The following SLC35F3 variants were observed in gnomAD, a reference collection of about 807,000 sequenced individuals.
The protein encoded by SLC35F3 is putative thiamine transporter SLC35F3.
Under a neutral mutation model 49.9 loss-of-function variants are expected in SLC35F3, and 25 were observed. The ratio of observed to expected loss-of-function variants is 0.50; its 90% confidence interval spans 0.37 to 0.70. SLC35F3 has a LOEUF of 0.70. Among genes scored for constraint, SLC35F3 ranks in the 30% least tolerant of loss-of-function variants. The probability of loss-of-function intolerance (pLI) is 0.00; values close to 1 mark genes in which losing one functional copy is unlikely to be tolerated. For missense variants in SLC35F3, 525 were observed against 639.8 expected (o/e 0.82, Z 1.94); for synonymous variants, 275 against 265.4 (o/e 1.04, Z -0.35).
intron 2 of SLC35F3, among the ~76,000 whole-genome samples, chr1:233,941,180 A>AT (rs960247354): frequency 2.0e-5 from 3 of 152,012 alleles, no homozygotes; most frequent in African/African-American, 7.2e-5. Context: ...CCTTCCTCTC[A>AT]TTTTTGTAAC....
intron 4 of SLC35F3, among the ~76,000 whole-genome samples, chr1:234,309,868 G>T (rs1390064841): frequency 6.6e-6 from 1 of 152,256 alleles, no homozygotes; most frequent in African/African-American, 2.4e-5. Context: ...TGAAGGGCCA[G>T]CTTCACTTCC....
At chr1:234,224,987 A>G (rs760517726) in intron 2 of SLC35F3, among the ~76,000 whole-genome samples, 6 of 152,198 alleles carry the variant, frequency 3.9e-5, no homozygotes, top group Non-Finnish European at 7.3e-5. Flanking sequence ...CCTGGAACCT[A>G]TGCTAGTCAG....
chr1:234,241,750 A>G (rs2102957109), intron 3 of SLC35F3, among the ~76,000 whole-genome samples: 1 of 152,044 alleles, frequency 6.6e-6, no homozygotes, highest in Admixed American at 6.5e-5. Context: ...AAAAAAAAAA[A>G]AAAAAATGGA....
chr1:234,016,440 T>A (rs1663803776), intron 2 of SLC35F3, among the ~76,000 whole-genome samples: 1 of 152,232 alleles, frequency 6.6e-6, no homozygotes, highest in Admixed American at 6.5e-5. Flanking sequence ...ATATTATATA[T>A]GCATGATGAG....
intron 2 of SLC35F3, among the ~76,000 whole-genome samples, chr1:234,010,917 T>G (rs75215120): frequency 0.072 from 10,912 of 152,222 alleles, 640 homozygotes; most frequent in East Asian, 0.25. Context: ...ATAACAATTA[T>G]TAACACATAT....
chr1:234,057,862 G>T (rs1219144698), intron 2 of SLC35F3, among the ~76,000 whole-genome samples: 1 of 152,016 alleles, frequency 6.6e-6, no homozygotes, highest in Non-Finnish European at 1.5e-5. Flanking sequence ...TGCACCACCA[G>T]GCCCAGCTAA....
rs1662716970 is a variant in SLC35F3 at position 233,957,055 on chromosome 1, T to TGAA, written c.283+51302_283+51304dup. Among the ~76,000 whole-genome samples the TGAA allele has an allele frequency of 6.6e-6, 1 of 152,190 alleles. No homozygotes were observed. Among genetic ancestry groups the TGAA allele is most frequent in the Non-Finnish European group, 1.5e-5 (1 of 68,034 alleles). ...TGGATCACAACTGCTCCCAGGTAAG[T>TGAA]GAAGAAGCCTTTGCCGGTTTTATTT... On this transcript the variant is annotated intron_variant, in intron 2 of 7. Coordinates refer to ENST00000366618, the MANE Select transcript of SLC35F3 (RefSeq NM_173508.4). This position sits in a 1 kb window ranked among gnomAD's most constrained non-coding sequence, Gnocchi z 4.0.
rs1666434077 is a variant in SLC35F3 at position 234,173,701 on chromosome 1, G to C, written c.284-57716G>C. 5.9e-5 allele frequency among the ~76,000 whole-genome samples: 9 copies of C among 152,280 alleles called. No homozygotes were observed. The South Asian group carries it at 1.9e-3, about 32-fold the overall frequency. Reference sequence around the variant, plus strand: ...TGGGAAGTTTTAGGATGGAATGTGGGGTTTTAAATACCTTTTGCCTTTGCA... The same window carrying C: ...TGGGAAGTTTTAGGATGGAATGTGGCGTTTTAAATACCTTTTGCCTTTGCA... On this transcript the variant is annotated intron_variant, in intron 2 of 7. Coordinates refer to ENST00000366618, the MANE Select transcript of SLC35F3 (RefSeq NM_173508.4).
chr1:234,108,620 A>T (rs1665335462), intron 2 of SLC35F3, among the ~76,000 whole-genome samples: 1 of 122,556 alleles, frequency 8.2e-6, no homozygotes. Flanking sequence ...TTTATATATA[A>T]AAGATATATA....
chr1:234,314,088 G>A (rs559715868), intron 4 of SLC35F3, among the ~76,000 whole-genome samples: 2 of 152,346 alleles, frequency 1.3e-5, no homozygotes, highest in African/African-American at 4.8e-5. Context: ...AGCCAGGGAT[G>A]TCAACACTGT....
chr1:234,068,896 A>G (rs942958256), intron 2 of SLC35F3, among the ~76,000 whole-genome samples: 1 of 128,666 alleles, frequency 7.8e-6, no homozygotes, highest in Non-Finnish European at 1.6e-5. Flanking sequence ...TTATATTTAT[A>G]TATTATATAT....
intron 2 of SLC35F3, among the ~76,000 whole-genome samples, chr1:234,008,580 T>G (rs7523740): frequency 0.22 from 32,890 of 152,186 alleles, 4,136 homozygotes; most frequent in African/African-American, 0.35. Flanking sequence ...CTGAAGTGTT[T>G]TACTCATCTC....
At chr1:234,322,001 C>T (rs1450869065) in intron 7 of SLC35F3, among the ~76,000 whole-genome samples, 1 of 151,586 alleles carries the variant, frequency 6.6e-6, no homozygotes, top group Non-Finnish European at 1.5e-5. Context: ...AGCAACATGA[C>T]AAAACCCCAT....
chr1:233,970,735 C>T (rs1055345082), intron 2 of SLC35F3, among the ~76,000 whole-genome samples: 1 of 152,160 alleles, frequency 6.6e-6, no homozygotes, highest in South Asian at 2.1e-4. Flanking sequence ...TATGAAGAGA[C>T]AGAGAGAAGA....
chr1:234,146,570 C>G (rs1022140930), intron 2 of SLC35F3, among the ~76,000 whole-genome samples: 30 of 143,640 alleles, frequency 2.1e-4, no homozygotes, highest in African/African-American at 7.7e-4. Flanking sequence ...CTGCTCACTG[C>G]AACCTCCACC....
Position 234,027,228 on chromosome 1 carries a change from C to A in SLC35F3, c.283+121470C>A. 6.4e-6 allele frequency: 1 copy of A among 156,170 alleles called. No homozygotes were observed. Among genetic ancestry groups the A allele is most frequent in the Non-Finnish European group, 1.5e-5 (1 of 68,794 alleles). The allele number at this position is 156,170 out of a possible 1,614,324, so 9.7% of individuals were successfully genotyped here. On this transcript the variant is annotated intron_variant, in intron 2 of 7. Coordinates refer to ENST00000366618, the MANE Select transcript of SLC35F3 (RefSeq NM_173508.4). The surrounding 1 kb of genome is among the most constrained non-coding windows in gnomAD (Gnocchi z 4.1). ...CCACCACACGCTTGATGGCCTGCAT[C>A]TGGGCTGCTCACTGGGCCACAGAGG...
At chr1:233,934,902 A>G (rs2102795647) in intron 2 of SLC35F3, among the ~76,000 whole-genome samples, 1 of 151,684 alleles carries the variant, frequency 6.6e-6, no homozygotes, top group East Asian at 1.9e-4. Flanking sequence ...GATAGCTTAC[A>G]TACATTCTAA....
intron 3 of SLC35F3, among the ~76,000 whole-genome samples, chr1:234,280,319 G>A (rs532384985): frequency 6.6e-6 from 1 of 152,334 alleles, no homozygotes; most frequent in Non-Finnish European, 1.5e-5. Flanking sequence ...CTGACCATCT[G>A]CTCTCAGATG....
chr1:234,280,686 C>G (rs553054613), intron 3 of SLC35F3, among the ~76,000 whole-genome samples: 1 of 152,346 alleles, frequency 6.6e-6, no homozygotes, highest in Admixed American at 6.5e-5. Context: ...TTTCTCAGCA[C>G]TCACCACGTG....
Sources: gnomAD v4.1 joint callset for allele counts (sites outside exome capture counted in the v4.1 genomes callset) on GRCh38, gnomAD v4.1.1 for gene constraint, Gnocchi (gnomAD v3.1) non-coding constraint, MANE v1.5 for transcripts, NCBI Gene and HGNC (gene_info 2026-07-23, HGNC 2026-07-21) for gene names.